The following TEX48 variants were observed in gnomAD, a reference collection of about 807,000 sequenced individuals.
The protein encoded by TEX48 is testis-expressed protein 48.
TEX48 carries 10 observed loss-of-function variants against 13.2 expected under a neutral mutation model. The ratio of observed to expected loss-of-function variants is 0.75; its 90% CI spans 0.47 to 1.28. The LOEUF (loss-of-function observed/expected upper bound fraction) is 1.28, where lower values mean the gene tolerates loss of function less well. TEX48 is among the 50% of genes most tolerant of loss of function. The pLI is 0.00. For missense variants in TEX48, 116 were observed against 139.4 expected (o/e 0.83, Z 0.84); for synonymous variants, 45 against 52.3 (o/e 0.86, Z 0.60).
In TEX48 at chr9:114,671,366, C is replaced by A; in HGVS notation, c.127+17G>T. 6.5e-7 allele frequency: 1 copy of A among 1,534,804 alleles called. No individual in the cohort carries two copies. Among genetic ancestry groups the A allele is most frequent in the South Asian group, 1.2e-5 (1 of 83,856 alleles). ...GGTTTAGAGAGGCCATGCAGAGTGT[C>A]CTTATCTGATACCTACTTTGGGTCG... On this transcript the variant is annotated intron_variant, in intron 3 of 4. Coordinates refer to ENST00000436752, the MANE Select transcript of TEX48 (RefSeq NM_001199233.2).
intron 1 of TEX48, among the ~76,000 whole-genome samples, chr9:114,678,191 T>C (rs1589380372): frequency 1.5e-5 from 2 of 132,426 alleles, no homozygotes; most frequent in Non-Finnish European, 3.3e-5. Flanking sequence ...ACCTTACTCT[T>C]ACTCAAACCT....
chr9:114,678,789 C>T (rs1384383485), intron 1 of TEX48, among the ~76,000 whole-genome samples: 1 of 144,468 alleles, frequency 6.9e-6, no homozygotes, highest in Non-Finnish European at 1.5e-5. Flanking sequence ...CTTCAGTGAG[C>T]TATAATCATG....
At chr9:114,676,639 T>G (rs1404056899) in intron 1 of TEX48, among the ~76,000 whole-genome samples, 2 of 146,986 alleles carry the variant, frequency 1.4e-5, no homozygotes, top group Non-Finnish European at 3.0e-5. Context: ...TTTTTTGAGA[T>G]GGAGTCGCGC....
At position 114,666,561 on chromosome 9, in the gene TEX48, G is replaced by T; in HGVS notation, c.*82C>A. The T allele has an allele frequency of 1.3e-6, 1 of 764,012 alleles. No individual in the cohort carries two copies. The highest frequency in any genetic ancestry group is 1.8e-5 in the South Asian group (1 of 55,028). The allele number at this position is 764,012 out of a possible 1,614,324, so 47.3% of individuals were successfully genotyped here. ...CTTCTCCTCCTTCAGGGGAGTTTCCGAATTAGTCTTCATGACTCCTGTCCA... is the reference window on the plus strand; with the variant it reads ...CTTCTCCTCCTTCAGGGGAGTTTCCTAATTAGTCTTCATGACTCCTGTCCA... On this transcript the variant is annotated 3_prime_UTR_variant, in exon 5 of 5. Coordinates refer to ENST00000436752, the MANE Select transcript of TEX48 (RefSeq NM_001199233.2).
At chr9:114,668,736 C>T (rs1314260132) in intron 3 of TEX48, among the ~76,000 whole-genome samples, 1 of 152,164 alleles carries the variant, frequency 6.6e-6, no homozygotes, top group Non-Finnish European at 1.5e-5. Flanking sequence ...AAAAGTGCCC[C>T]AAACATCTCT....
chr9:114,678,237 C>T (rs1215571687), intron 1 of TEX48, among the ~76,000 whole-genome samples: 2 of 152,194 alleles, frequency 1.3e-5, no homozygotes, highest in African/African-American at 2.4e-5. Flanking sequence ...GTCTTTCTCT[C>T]TCCACCCAAC....
chr9:114,672,281 A>G (rs1285919687), intron 1 of TEX48, among the ~76,000 whole-genome samples: 3 of 152,158 alleles, frequency 2.0e-5, no homozygotes, highest in Non-Finnish European at 4.4e-5. Flanking sequence ...GGCTTTGGGT[A>G]GGTCCATGCT....
At chr9:114,678,728 A>G (rs932693959) in intron 1 of TEX48, among the ~76,000 whole-genome samples, 1 of 151,708 alleles carries the variant, frequency 6.6e-6, no homozygotes, top group Non-Finnish European at 1.5e-5. Flanking sequence ...TTGCACTTCC[A>G]GTTACTCAGA....
intron 2 of TEX48, 97 bp downstream of exon 2, chr9:114,671,623 A>G: frequency 2.0e-6 from 3 of 1,528,520 alleles, no homozygotes; most frequent in Non-Finnish European, 2.6e-6. Flanking sequence ...CATTAATATA[A>G]TACTCCTCCC....
chr9:114,671,546 C>T (rs1234804525), intron 2 of TEX48, 41 bp from the exon 3 acceptor site: 1 of 1,534,140 alleles, frequency 6.5e-7, no homozygotes, highest in Admixed American at 2.0e-5. Flanking sequence ...GTTCCGGAAT[C>T]TGAATTCCAG....
chr9:114,667,852 T>C (rs1589374989), intron 4 of TEX48, among the ~76,000 whole-genome samples: 2 of 132,946 alleles, frequency 1.5e-5, no homozygotes, highest in African/African-American at 5.9e-5. Flanking sequence ...TGAGCTGAGA[T>C]TGGAGACTGC....
chr9:114,673,979 T>C (rs1433269894), intron 1 of TEX48, among the ~76,000 whole-genome samples: 1 of 151,772 alleles, frequency 6.6e-6, no homozygotes, highest in African/African-American at 2.4e-5. Flanking sequence ...CTAACTTTTG[T>C]ATTTTTTGTA....
chr9:114,673,052 C>T (rs1028762462), intron 1 of TEX48, among the ~76,000 whole-genome samples: 1 of 152,094 alleles, frequency 6.6e-6, no homozygotes, highest in Non-Finnish European at 1.5e-5. Context: ...GTATAACATA[C>T]GCGCGTTACT....
At chr9:114,676,381 G>T (rs1197457888) in intron 1 of TEX48, among the ~76,000 whole-genome samples, 2 of 151,914 alleles carry the variant, frequency 1.3e-5, no homozygotes, top group Non-Finnish European at 2.9e-5. Flanking sequence ...GTATTGCCCA[G>T]GCTTATCTCG....
intron 1 of TEX48, among the ~76,000 whole-genome samples, chr9:114,676,280 C>T (rs1828062104): frequency 6.6e-6 from 1 of 152,218 alleles, no homozygotes; most frequent in Non-Finnish European, 1.5e-5. Context: ...TTCCCTGCCT[C>T]AGCCTCCTGA....
At chr9:114,671,294 G>A in intron 3 of TEX48, 89 bp downstream of exon 3, 1 of 1,436,016 alleles carries the variant, frequency 7.0e-7, no homozygotes. Context: ...TGATAGTGAT[G>A]AAGGCAGTTT....
chr9:114,677,837 C>A (rs1280803917), intron 1 of TEX48, among the ~76,000 whole-genome samples: 2 of 151,630 alleles, frequency 1.3e-5, no homozygotes, highest in Non-Finnish European at 2.9e-5. Context: ...TTAGGCTCTG[C>A]TTGGTCAAGA....
chr9:114,674,266 A>G (rs1367060950), intron 1 of TEX48, among the ~76,000 whole-genome samples: 1 of 130,148 alleles, frequency 7.7e-6, no homozygotes, highest in Non-Finnish European at 1.8e-5. Flanking sequence ...TCTGTCTTCA[A>G]TTCCTCCAAT....
intron 1 of TEX48, among the ~76,000 whole-genome samples, chr9:114,678,838 CA>C (rs34355690): frequency 0.031 from 2,165 of 70,750 alleles, 26 homozygotes; most frequent in Middle Eastern, 0.12. Flanking sequence ...GATCCTGACT[CA>C]AAAAAAAAAA....
Sources: allele counts gnomAD v4.1 joint callset (sites outside exome capture counted in the v4.1 genomes callset), GRCh38; gene constraint gnomAD v4.1.1; transcripts MANE v1.5; gene names NCBI Gene and HGNC (gene_info 2026-07-23, HGNC 2026-07-21).